The following NAALADL2 variants were observed in gnomAD, a reference collection of about 807,000 sequenced individuals.
NAALADL2 encodes N-acetylated alpha-linked acidic dipeptidase like 2, also known as inactive N-acetylated-alpha-linked acidic dipeptidase-like protein 2.
A neutral mutation model predicts 87.2 loss-of-function variants in NAALADL2; 76 were observed. The observed-to-expected ratio is 0.87, with a 90% CI of 0.72 to 1.05. The LOEUF is 1.05. Ranked by LOEUF, NAALADL2 falls within the 50% of genes least tolerant of loss-of-function variation. The pLI is 0.00. For synonymous variants in NAALADL2, 354 were observed against 331.0 expected, an observed-to-expected ratio of 1.07 and a Z score of -0.75; for missense variants, 1,089 against 945.8, an observed-to-expected ratio of 1.15 and a Z score of -1.99.
intron 5 of NAALADL2, among the ~76,000 whole-genome samples, chr3:175,435,593 A>C (rs1258648473): frequency 6.6e-6 from 1 of 152,114 alleles, no homozygotes; most frequent in Non-Finnish European, 1.5e-5. Flanking sequence ...AATTTTATAC[A>C]TATTTAAGCA....
chr3:175,492,656 C>T (rs1728268771), intron 9 of NAALADL2, among the ~76,000 whole-genome samples: 1 of 152,110 alleles, frequency 6.6e-6, no homozygotes, highest in Admixed American at 6.6e-5. Context: ...ATGTAATTCA[C>T]ATACAAGTGA....
intron 2 of NAALADL2, among the ~76,000 whole-genome samples, chr3:174,707,218 G>A (rs561142941): frequency 4.3e-4 from 65 of 152,254 alleles, no homozygotes; most frequent in African/African-American, 1.0e-3. Flanking sequence ...TAGTTCAACC[G>A]TTGTGGAAGA....
intron 1 of NAALADL2, among the ~76,000 whole-genome samples, chr3:174,960,139 G>T (rs1741763242): frequency 6.6e-6 from 1 of 151,932 alleles, no homozygotes; most frequent in South Asian, 2.1e-4. Context: ...CTTACTATCA[G>T]GCAATAAGTG....
intron 11 of NAALADL2, among the ~76,000 whole-genome samples, chr3:175,638,114 C>A (rs976442566): frequency 6.6e-6 from 1 of 152,100 alleles, no homozygotes; most frequent in African/African-American, 2.4e-5. Flanking sequence ...AGCATTTGAA[C>A]AATTAGTGTG....
intron 2 of NAALADL2, among the ~76,000 whole-genome samples, chr3:174,696,593 T>TAAAAAAAAAAAAAAAAAAAAAAAAAAAAA (rs62946360): frequency 9.0e-6 from 1 of 110,524 alleles, no homozygotes; most frequent in Non-Finnish European, 1.8e-5. Context: ...TGTAGTTATC[T>TAAAAAAAAAAAAAAAAAAAAAAAAAAAAA]AAAAAAAAAA....
chr3:174,745,456 C>T (rs1377984239), intron 3 of NAALADL2, among the ~76,000 whole-genome samples: 1 of 152,100 alleles, frequency 6.6e-6, no homozygotes, highest in South Asian at 2.1e-4. Flanking sequence ...AAAGAGCTTA[C>T]CAACCAAAAA....
chr3:175,142,588 A>C (rs548732496), intron 2 of NAALADL2, among the ~76,000 whole-genome samples: 4 of 151,128 alleles, frequency 2.6e-5, no homozygotes, highest in Non-Finnish European at 5.9e-5. Flanking sequence ...CCTATTCCCA[A>C]CCGTCCTCTA....
At chr3:175,029,271 G>T (rs1212585523) in intron 1 of NAALADL2, among the ~76,000 whole-genome samples, 3 of 151,880 alleles carry the variant, frequency 2.0e-5, no homozygotes, top group Non-Finnish European at 4.4e-5. Flanking sequence ...CGTCTCTCTT[G>T]TGCCCAACTG....
chr3:175,698,322 T>C lies in NAALADL2; in HGVS notation c.1897-38984T>C, dbSNP rs554507853. ...ATATATGTGTATATATGTATGTGTA[T>C]TTATGTATGTGTATATATGTATGTG... On this transcript the variant is annotated intron_variant, in intron 11 of 13. Transcript: ENST00000454872. 5.9e-4 allele frequency among the ~76,000 whole-genome samples: 43 copies of C among 73,488 alleles called. 1 individual carries two copies. The highest frequency in any genetic ancestry group is 9.1e-4 in the South Asian group (2 of 2,200). The allele number at this position is 73,488 out of a possible 152,430, so 48.2% of individuals were successfully genotyped here.
At chr3:175,547,815 GA>G (rs1447006685) in intron 9 of NAALADL2, among the ~76,000 whole-genome samples, 7 of 22,832 alleles carry the variant, frequency 3.1e-4, no homozygotes, top group Admixed American at 2.0e-3. Flanking sequence ...CAACATCACT[GA>G]TCATTAGAGA....
At chr3:175,350,848 A>C (rs1763680982) in intron 5 of NAALADL2, among the ~76,000 whole-genome samples, 1 of 152,110 alleles carries the variant, frequency 6.6e-6, no homozygotes, top group Non-Finnish European at 1.5e-5. Flanking sequence ...AAATTAACTT[A>C]CTGAATTGTA....
intron 9 of NAALADL2, among the ~76,000 whole-genome samples, chr3:175,544,630 C>G (rs748748454): frequency 1.3e-5 from 2 of 152,096 alleles, no homozygotes; most frequent in Non-Finnish European, 2.9e-5. Context: ...CATTGGAACT[C>G]AAAAGATCAG....
intron 4 of NAALADL2, among the ~76,000 whole-genome samples, chr3:175,275,367 A>C (rs1404675625): frequency 6.6e-6 from 1 of 152,162 alleles, no homozygotes; most frequent in African/African-American, 2.4e-5. Flanking sequence ...TGATCTTAAG[A>C]TTCTTAAAAA....
chr3:175,423,018 G>GAAAAAAAAAAAA (rs1218647180), intron 5 of NAALADL2, among the ~76,000 whole-genome samples: 3 of 61,604 alleles, frequency 4.9e-5, no homozygotes, highest in African/African-American at 2.4e-4. Flanking sequence ...AGGTCCTTAA[G>GAAAAAAAAAAAA]AAAAAAAAAA....
At chr3:174,748,436 TGGTACCTTTATTTTTA>T (rs576439290) in intron 3 of NAALADL2, among the ~76,000 whole-genome samples, 380 of 152,156 alleles carry the variant, frequency 2.5e-3, no homozygotes, top group Admixed American at 3.9e-3. Flanking sequence ...TCAGCTCTTC[TGGTACCTTTATTTTTA>T]GCCTTGACCC....
intron 3 of NAALADL2, among the ~76,000 whole-genome samples, chr3:174,758,649 A>G (rs1304559662): frequency 1.3e-5 from 2 of 152,148 alleles, no homozygotes; most frequent in Non-Finnish European, 2.9e-5. Flanking sequence ...TTGCCTTACA[A>G]TCGACTGTGG....
chr3:175,221,462 T>C (rs905612527), intron 2 of NAALADL2, among the ~76,000 whole-genome samples: 2 of 152,132 alleles, frequency 1.3e-5, no homozygotes, highest in Non-Finnish European at 2.9e-5. Flanking sequence ...GGGTATACTT[T>C]TCTGTATATG....
At chr3:175,293,070 A>G (rs983698726) in intron 4 of NAALADL2, among the ~76,000 whole-genome samples, 4 of 143,378 alleles carry the variant, frequency 2.8e-5, no homozygotes, top group African/African-American at 1.1e-4. Flanking sequence ...AAAAGGGGGA[A>G]CTCGGTTATT....
intron 5 of NAALADL2, among the ~76,000 whole-genome samples, chr3:175,426,286 C>T (rs1350980634): frequency 6.6e-6 from 1 of 152,124 alleles, no homozygotes; most frequent in Non-Finnish European, 1.5e-5. Flanking sequence ...TCACTTGAAC[C>T]CAGGAGGTGG....
Sources: gnomAD v4.1 joint callset for allele counts (sites outside exome capture counted in the v4.1 genomes callset) on GRCh38, gnomAD v4.1.1 for gene constraint, MANE v1.5 for transcripts, NCBI Gene and HGNC (gene_info 2026-07-23, HGNC 2026-07-21) for gene names.